The following FAM135B variants were observed in gnomAD, a reference collection of about 807,000 sequenced individuals.
The protein encoded by FAM135B is protein FAM135B.
A neutral mutation model predicts 127.7 loss-of-function variants in FAM135B; 43 were observed. That is an observed-to-expected ratio of 0.34 (90% CI 0.26 to 0.43). The LOEUF (loss-of-function observed/expected upper bound fraction) is 0.43. Ranked by LOEUF, FAM135B falls within the 20% of genes least tolerant of loss-of-function variation. The probability of loss-of-function intolerance (pLI) is 1.00; values close to 1 mark genes in which losing one functional copy is unlikely to be tolerated. For synonymous variants in FAM135B, 670 were observed against 665.1 expected (o/e 1.01, Z -0.11); for missense variants, 1,558 against 1,725.6 (o/e 0.90, Z 1.72).
chr8:138,461,120 C>T (rs1202689835), intron 1 of FAM135B, among the ~76,000 whole-genome samples: 1 of 152,102 alleles, frequency 6.6e-6, no homozygotes, highest in East Asian at 1.9e-4. Context: ...TCACTGGTCA[C>T]TTCCAGGCTA....
intron 2 of FAM135B, among the ~76,000 whole-genome samples, chr8:138,322,210 C>G (rs1356592736): frequency 6.6e-6 from 1 of 152,160 alleles, no homozygotes. Context: ...ATGATCACAG[C>G]TTCCCATAAA....
At position 138,152,964 on chromosome 8, in the gene FAM135B, A is replaced by G. The variant is rs542563539; in HGVS notation, c.1511T>C (p.Ile504Thr). ...ACCTGCTTTGTTTTGAAATTCACCA[A>G]TTGATATATACACCTGAGATTCAGA... The part of the protein sequence containing the change: ...MCSESQVYIS[I>T]GEFQNKAGVP... Residue 504 changes from isoleucine to threonine, a missense_variant, in exon 13 of 20, where the codon ATT (isoleucine) becomes ACT (threonine). Ile to Thr is a moderately conservative substitution (Grantham distance 89). Around this residue, in one of 5 missense-constraint regions of FAM135B, gnomAD observed 923 missense variants for 865.3 expected, o/e 1.07. Transcript: ENST00000395297. 3.1e-6 allele frequency: 5 copies of G among 1,614,184 alleles called. No homozygotes were observed. Among genetic ancestry groups the G allele is most frequent in the African/African-American group, 1.3e-5 (1 of 75,048 alleles).
chr8:138,231,345 T>C (rs548961092), intron 7 of FAM135B, among the ~76,000 whole-genome samples: 76 of 152,182 alleles, frequency 5.0e-4, no homozygotes, highest in African/African-American at 1.7e-3. Flanking sequence ...AATAGCTAAT[T>C]TGTAAACTCC....
intron 11 of FAM135B, among the ~76,000 whole-genome samples, chr8:138,175,550 G>A (rs1447993541): frequency 6.6e-6 from 1 of 152,204 alleles, no homozygotes; most frequent in African/African-American, 2.4e-5. Flanking sequence ...AGAGCTAACT[G>A]TGCACATCTC....
chr8:138,364,124 G>T (rs1830598512), intron 2 of FAM135B, among the ~76,000 whole-genome samples: 1 of 152,152 alleles, frequency 6.6e-6, no homozygotes, highest in African/African-American at 2.4e-5. Context: ...ACCAGGCTTG[G>T]ATTGTAGCCA....
chr8:138,384,777 A>C (rs1011940644), intron 1 of FAM135B, among the ~76,000 whole-genome samples: 1 of 151,990 alleles, frequency 6.6e-6, no homozygotes, highest in Non-Finnish European at 1.5e-5. Flanking sequence ...GGGGCTAGCA[A>C]TTGGTCACCT....
chr8:138,262,571 A>C (rs375950198), intron 4 of FAM135B, among the ~76,000 whole-genome samples: 2 of 152,106 alleles, frequency 1.3e-5, no homozygotes, highest in East Asian at 3.9e-4. Flanking sequence ...CAGTTTATCA[A>C]AGGGGTGATT....
chr8:138,222,071 T>G (rs558712653), intron 7 of FAM135B, among the ~76,000 whole-genome samples: 1 of 148,794 alleles, frequency 6.7e-6, no homozygotes, highest in African/African-American at 2.5e-5. Flanking sequence ...ATGTAGAGAG[T>G]GGGAGGTGGA....
At chr8:138,401,383 C>T (rs2131365067) in intron 1 of FAM135B, among the ~76,000 whole-genome samples, 2 of 152,336 alleles carry the variant, frequency 1.3e-5, no homozygotes, top group South Asian at 4.1e-4. Context: ...CTTTCTGAGA[C>T]TTGGTTGCTT....
At chr8:138,474,212 G>A (rs994607539) in intron 1 of FAM135B, among the ~76,000 whole-genome samples, 2 of 152,106 alleles carry the variant, frequency 1.3e-5, no homozygotes, top group Non-Finnish European at 2.9e-5. Context: ...GTCATTTGCG[G>A]AGGATGCCAT....
rs186208979 is a variant in FAM135B at position 138,251,967 on chromosome 8, C to G, written c.369-953G>C. On this transcript the variant is annotated intron_variant, in intron 5 of 19. Coordinates refer to ENST00000395297, the MANE Select transcript of FAM135B (RefSeq NM_015912.4). ...GATGAAGGGAGCAGTCTCTTAAGACCCAACACCATAGGCTTTGCTTCCTTG... is the reference window on the plus strand; with the variant it reads ...GATGAAGGGAGCAGTCTCTTAAGACGCAACACCATAGGCTTTGCTTCCTTG... Among the ~76,000 whole-genome samples, 14 of 152,216 alleles carry G rather than the reference C, an allele frequency of 9.2e-5. No individual in the cohort carries two copies. In the East Asian group the frequency reaches 2.5e-3, roughly 27 times the overall value.
At chr8:138,284,305 C>T (rs1018906637) in intron 3 of FAM135B, among the ~76,000 whole-genome samples, 4 of 152,036 alleles carry the variant, frequency 2.6e-5, no homozygotes, top group Non-Finnish European at 4.4e-5. Flanking sequence ...GCTCTCCTTG[C>T]CTCACTCCTG....
At chr8:138,429,428 C>T (rs939132793) in intron 1 of FAM135B, among the ~76,000 whole-genome samples, 10 of 152,212 alleles carry the variant, frequency 6.6e-5, no homozygotes, top group Admixed American at 3.3e-4. Context: ...AAATGTGGGA[C>T]GTGTCTGAAT....
intron 1 of FAM135B, among the ~76,000 whole-genome samples, chr8:138,369,209 C>A (rs887417689): frequency 6.6e-6 from 1 of 152,052 alleles, no homozygotes; most frequent in African/African-American, 2.4e-5. Flanking sequence ...CCTGGTATGA[C>A]CTCTGGGAAG....
At chr8:138,365,607 T>C (rs1830687282) in intron 2 of FAM135B, among the ~76,000 whole-genome samples, 1 of 152,258 alleles carries the variant, frequency 6.6e-6, no homozygotes, top group African/African-American at 2.4e-5. Context: ...TTGTAAGAAG[T>C]AGGATAAATG....
At chr8:138,159,457 A>T (rs1253747886) in intron 12 of FAM135B, among the ~76,000 whole-genome samples, 1 of 150,980 alleles carries the variant, frequency 6.6e-6, no homozygotes, top group Admixed American at 6.6e-5. Flanking sequence ...CTTTGTAGGG[A>T]CATGGATGAA....
At chr8:138,136,163 T>G (rs1277964201) in intron 19 of FAM135B, among the ~76,000 whole-genome samples, 1 of 151,968 alleles carries the variant, frequency 6.6e-6, no homozygotes, top group Non-Finnish European at 1.5e-5. Context: ...TTTTAAAAAT[T>G]TTTTCATCAA....
intron 1 of FAM135B, among the ~76,000 whole-genome samples, chr8:138,426,215 G>A (rs1055378362): frequency 6.7e-6 from 1 of 149,712 alleles, no homozygotes; most frequent in Admixed American, 6.7e-5. Context: ...TTGTACCAAG[G>A]AAGACTACAT....
intron 2 of FAM135B, among the ~76,000 whole-genome samples, chr8:138,345,684 C>T (rs975271247): frequency 8.5e-5 from 13 of 152,190 alleles, no homozygotes; most frequent in East Asian, 1.9e-4. Flanking sequence ...CATGTGGCGA[C>T]GACAATGGAC....
Sources: allele counts gnomAD v4.1 joint callset (sites outside exome capture counted in the v4.1 genomes callset), GRCh38; gene constraint gnomAD v4.1.1; regional missense constraint gnomAD v4.1.1; transcripts MANE v1.5; gene names NCBI Gene and HGNC (gene_info 2026-07-23, HGNC 2026-07-21).